The following ATP2B2 variants were observed in gnomAD, a reference collection of about 807,000 sequenced individuals.
ATP2B2 encodes the protein plasma membrane calcium-transporting ATPase 2.
ATP2B2 carries 15 observed loss-of-function variants against 120.0 expected under a neutral mutation model. The ratio of observed to expected loss-of-function variants is 0.12; its 90% CI spans 0.08 to 0.19. The LOEUF (loss-of-function observed/expected upper bound fraction) is 0.19, where lower values mean the gene tolerates loss of function less well. ATP2B2 is among the 10% of genes least tolerant of loss of function. The pLI, the probability that ATP2B2 is intolerant of heterozygous loss-of-function variation, is 1.00. For missense variants in ATP2B2, 1,045 were observed against 1,719.8 expected (o/e 0.61, Z 6.94); for synonymous variants, 694 against 700.3 (o/e 0.99, Z 0.14).
chr3:10,602,626 G>C (rs947650611), intron 2 of ATP2B2, among the ~76,000 whole-genome samples: 4 of 152,176 alleles, frequency 2.6e-5, no homozygotes, highest in Admixed American at 1.3e-4. Flanking sequence ...GATGACAAGC[G>C]ATATTATAAA....
At chr3:10,509,250 C>G (rs2066711545), upstream of ATP2B2, among the ~76,000 whole-genome samples, 1 of 152,116 alleles carries the variant, frequency 6.6e-6, no homozygotes, top group African/African-American at 2.4e-5. Context: ...GACGTGGGCT[C>G]TCTGTTTTTG....
In ATP2B2 at chr3:10,325,048, GGCAGGTGAAATGATGGGAGGAACA is replaced by G. The variant is rs2059836848; in HGVS notation, c.*3742_*3765del. The G allele has an allele frequency of 6.6e-6, 1 of 152,180 alleles. No homozygotes were observed. The highest frequency in any genetic ancestry group is 1.5e-5 in the Non-Finnish European group (1 of 68,042). 9.4% of individuals were successfully genotyped at this position (152,180 alleles called of 1,614,324 possible). A position where few individuals can be genotyped will look rare whatever the true frequency, so the allele number is the denominator to read the frequency against. ...CTCATGACAACTCCTGGGCTTAGGG[GGCAGGTGAAATGATGGGAGGAACA>G]GCAGGCTTCTCTCAAGATCAGGATG... On this transcript the variant is annotated 3_prime_UTR_variant, in exon 23 of 23. Transcript: ENST00000360273.
chr3:10,440,265 C>T (rs1261616418), intron 2 of ATP2B2, among the ~76,000 whole-genome samples: 1 of 152,104 alleles, frequency 6.6e-6, no homozygotes, highest in African/African-American at 2.4e-5. Context: ...AACCATTTCC[C>T]CAACCTTCGG....
At chr3:10,696,952 T>G (rs1006529481) in intron 1 of ATP2B2, among the ~76,000 whole-genome samples, 4 of 152,226 alleles carry the variant, frequency 2.6e-5, no homozygotes, top group Non-Finnish European at 5.9e-5. Context: ...CATTATTAAA[T>G]TTTTATGATA....
At chr3:10,620,963 C>T (rs2069529677) in intron 1 of ATP2B2, among the ~76,000 whole-genome samples, 3 of 152,178 alleles carry the variant, frequency 2.0e-5, no homozygotes. Flanking sequence ...CACCCTCAGC[C>T]CCCAATCCAG....
intron 19 of ATP2B2, among the ~76,000 whole-genome samples, chr3:10,341,634 C>T (rs1045322002): frequency 6.6e-6 from 1 of 152,134 alleles, no homozygotes; most frequent in African/African-American, 2.4e-5. Flanking sequence ...TTTTGCACAG[C>T]TGAGTAAAGT....
At chr3:10,695,723 C>A (rs569365549) in intron 1 of ATP2B2, among the ~76,000 whole-genome samples, 1 of 152,284 alleles carries the variant, frequency 6.6e-6, no homozygotes, top group South Asian at 2.1e-4. Context: ...GAGAACCAGC[C>A]AGGACCAGAA....
chr3:10,653,940 C>T (rs751616214), intron 1 of ATP2B2, among the ~76,000 whole-genome samples: 1 of 152,058 alleles, frequency 6.6e-6, no homozygotes, highest in Non-Finnish European at 1.5e-5. Context: ...ACTTCCAATA[C>T]CCCCTTCTTC....
intron 3 of ATP2B2, among the ~76,000 whole-genome samples, chr3:10,403,742 T>A (rs1195983049): frequency 6.6e-6 from 1 of 152,224 alleles, no homozygotes; most frequent in Non-Finnish European, 1.5e-5. Flanking sequence ...GCACCCAGCA[T>A]CCACTTTAAC....
chr3:10,394,356 C>G (rs2061958679), intron 5 of ATP2B2: 1 of 455,252 alleles, frequency 2.2e-6, no homozygotes, highest in Non-Finnish European at 4.6e-6. Context: ...AAGTGTCCCC[C>G]TCACAACAGC....
intron 1 of ATP2B2, among the ~76,000 whole-genome samples, chr3:10,647,378 C>G (rs1167645460): frequency 1.3e-5 from 2 of 152,176 alleles, no homozygotes; most frequent in Admixed American, 1.3e-4. Context: ...CAGGCCCTAG[C>G]TCTCTGCTTT....
chr3:10,555,588 C>T (rs955388621), intron 2 of ATP2B2, among the ~76,000 whole-genome samples: 1 of 152,236 alleles, frequency 6.6e-6, no homozygotes, highest in Non-Finnish European at 1.5e-5. Context: ...CTCCAATGCT[C>T]CAACACATCT....
chr3:10,535,286 C>T (rs1452031191), intron 2 of ATP2B2, among the ~76,000 whole-genome samples: 2 of 152,160 alleles, frequency 1.3e-5, no homozygotes, highest in African/African-American at 2.4e-5. Context: ...ATGCACCTCC[C>T]TCCAGACTTC....
At chr3:10,446,665 C>T (rs1389414089) in intron 2 of ATP2B2, among the ~76,000 whole-genome samples, 1 of 152,136 alleles carries the variant, frequency 6.6e-6, no homozygotes, top group Non-Finnish European at 1.5e-5. Flanking sequence ...ACCTCCCAGC[C>T]CCCTGGGAGA....
At chr3:10,538,857 T>G (rs2067373643) in intron 2 of ATP2B2, among the ~76,000 whole-genome samples, 1 of 152,198 alleles carries the variant, frequency 6.6e-6, no homozygotes, top group Non-Finnish European at 1.5e-5. Flanking sequence ...TTCAACATAC[T>G]GTTTGAAGTT....
chr3:10,337,638 T>C (rs891907294), intron 22 of ATP2B2, among the ~76,000 whole-genome samples: 3 of 152,128 alleles, frequency 2.0e-5, no homozygotes, highest in Admixed American at 6.5e-5. Context: ...GGTGTGTGCA[T>C]GTGTGTCTGT....
intron 12 of ATP2B2, among the ~76,000 whole-genome samples, chr3:10,362,008 C>T (rs1476768130): frequency 6.6e-6 from 1 of 152,208 alleles, no homozygotes; most frequent in Non-Finnish European, 1.5e-5. Context: ...GTGCACCCCC[C>T]AACCCCAATG....
At chr3:10,436,366 C>T (rs548429644) in intron 2 of ATP2B2, among the ~76,000 whole-genome samples, 4 of 152,300 alleles carry the variant, frequency 2.6e-5, no homozygotes, top group South Asian at 2.1e-4. Flanking sequence ...TAATGGTGTG[C>T]GGCTGCGCCT....
chr3:10,632,200 T>C (rs1287947947), intron 1 of ATP2B2, among the ~76,000 whole-genome samples: 1 of 151,038 alleles, frequency 6.6e-6, no homozygotes, highest in Non-Finnish European at 1.5e-5. Flanking sequence ...TGTAGATTTC[T>C]GTACTTTCTT....
Sources: gnomAD v4.1 joint callset for allele counts (sites outside exome capture counted in the v4.1 genomes callset) on GRCh38, gnomAD v4.1.1 for gene constraint, MANE v1.5 for transcripts, NCBI Gene and HGNC (gene_info 2026-07-23, HGNC 2026-07-21) for gene names.